Variants in C5 observed in about 807,000 individuals in gnomAD.
C5 encodes the protein complement C5, also known as C3 and PZP-like alpha-2-macroglobulin domain-containing protein 4.
Under a neutral mutation model 218.8 loss-of-function variants are expected in C5, and 140 were observed. That is an observed-to-expected ratio of 0.64 (90% CI 0.56 to 0.74). C5 has a LOEUF of 0.74. C5 is among the 30% of genes least tolerant of loss of function. The pLI, the probability that C5 is intolerant of heterozygous loss-of-function variation, is 0.00. For synonymous variants in C5, 614 were observed against 682.3 expected, an observed-to-expected ratio of 0.90 and a Z score of 1.56; for missense variants, 1,700 against 1,969.6, an observed-to-expected ratio of 0.86 and a Z score of 2.59.
chr9:120,980,884 C>CCG (rs1326738031), intron 27 of C5, among the ~76,000 whole-genome samples: 13 of 152,354 alleles, frequency 8.5e-5, no homozygotes, highest in African/African-American at 2.9e-4. Context: ...GCGTGAGCCA[C>CCG]TGCACCCGGC....
the C5 span, among the ~76,000 whole-genome samples, chr9:121,061,359 G>A: frequency 6.6e-6 from 1 of 152,042 alleles, no homozygotes; most frequent in Admixed American, 6.6e-5. Flanking sequence ...CTCTACCTTG[G>A]CCAACATGGC....
upstream of C5, among the ~76,000 whole-genome samples, chr9:121,055,236 C>G (rs2047692569): frequency 6.6e-6 from 1 of 152,130 alleles, no homozygotes; most frequent in Non-Finnish European, 1.5e-5. Flanking sequence ...TCCTCAGAAC[C>G]TCTTAAGACT....
intron 36 of C5, among the ~76,000 whole-genome samples, chr9:120,961,954 A>C (rs1270297682): frequency 1.3e-5 from 2 of 152,184 alleles, no homozygotes; most frequent in Non-Finnish European, 2.9e-5. Context: ...AAGAGGGACT[A>C]TGTATGTTCT....
chr9:121,035,130 T>C (rs920443912), intron 4 of C5, among the ~76,000 whole-genome samples: 1 of 114,228 alleles, frequency 8.8e-6, no homozygotes, highest in Non-Finnish European at 1.9e-5. Flanking sequence ...CTCCTCATTA[T>C]CTTGAAGAGA....
intron 7 of C5, among the ~76,000 whole-genome samples, chr9:121,028,698 G>GT (rs1469564914): frequency 6.6e-6 from 1 of 152,086 alleles, no homozygotes; most frequent in Admixed American, 6.6e-5. Context: ...CTGTCATGGG[G>GT]TGGGGGACGG....
chr9:121,060,231 C>T, the C5 span, among the ~76,000 whole-genome samples: 1 of 152,264 alleles, frequency 6.6e-6, no homozygotes, highest in African/African-American at 2.4e-5. Flanking sequence ...AAAGCGCCAC[C>T]TGCTGGTATT....
chr9:120,999,903 T>A (rs1183351127), intron 20 of C5: 2 of 451,692 alleles, frequency 4.4e-6, no homozygotes, highest in Non-Finnish European at 8.9e-6. Context: ...TTTAAAATGC[T>A]GTCAAGTTGG....
chr9:120,980,044 G>C (rs1280165344), intron 28 of C5, 39 bp downstream of exon 28: 17 of 1,590,382 alleles, frequency 1.1e-5, no homozygotes, highest in Non-Finnish European at 1.5e-5. Flanking sequence ...TTATGTCTTA[G>C]TGAACACTCA....
chr9:120,998,430 C>T (rs188958523), intron 20 of C5, among the ~76,000 whole-genome samples: 1 of 152,316 alleles, frequency 6.6e-6, no homozygotes, highest in East Asian at 1.9e-4. Context: ...GAGCCTTAGG[C>T]TCAGGTACTT....
At chr9:121,016,087 A>G (rs1345031885) in intron 15 of C5, among the ~76,000 whole-genome samples, 167 bp downstream of exon 15, 1 of 152,214 alleles carries the variant, frequency 6.6e-6, no homozygotes, top group Non-Finnish European at 1.5e-5. Flanking sequence ...ACACTAAAGA[A>G]TTTGTACTTT....
the C5 span, among the ~76,000 whole-genome samples, chr9:121,069,542 T>C: frequency 6.6e-6 from 1 of 151,548 alleles, no homozygotes; most frequent in African/African-American, 2.4e-5. Context: ...TTTTTTTTTT[T>C]GGTTTCTGTT....
chr9:121,007,907 C>A (rs1564149035), intron 18 of C5, among the ~76,000 whole-genome samples: 1 of 152,202 alleles, frequency 6.6e-6, no homozygotes, highest in South Asian at 2.1e-4. Flanking sequence ...CCTTTGAACT[C>A]ATTCCTTGCC....
the C5 span, among the ~76,000 whole-genome samples, chr9:121,069,765 C>T: frequency 6.6e-6 from 1 of 152,156 alleles, no homozygotes; most frequent in Non-Finnish European, 1.5e-5. Context: ...CCTCCCACCT[C>T]AGCCTCCCAA....
chr9:120,985,351 A>G (rs1053506377), intron 25 of C5, among the ~76,000 whole-genome samples: 1 of 152,208 alleles, frequency 6.6e-6, no homozygotes, highest in African/African-American at 2.4e-5. Context: ...AAAAATTTAG[A>G]GTAGAAAAGA....
chr9:120,991,646 T>C (rs1564142632), intron 22 of C5, among the ~76,000 whole-genome samples: 1 of 152,200 alleles, frequency 6.6e-6, no homozygotes, highest in Non-Finnish European at 1.5e-5. Context: ...ATCAACTATA[T>C]ATTGAACATT....
At position 120,989,627 on chromosome 9, in the gene C5, T is replaced by C. The variant is rs2131710979; in HGVS notation, c.3095A>G (p.Asn1032Ser). The C allele has an allele frequency of 1.9e-6, 3 of 1,613,742 alleles. No homozygotes were observed. The highest frequency in any genetic ancestry group is 1.7e-6 in the Non-Finnish European group (2 of 1,179,724). Residue 1032 changes from asparagine to serine, a missense_variant, in exon 24 of 41, where the codon AAC (asparagine) becomes AGC (serine). By Grantham distance (46) the Asn-to-Ser change is conservative (BLOSUM62 1). Transcript: ENST00000223642. ...FHYLETGNHW[N>S]IFHSDPLIEK... ...AATTAATGGGTCAGAATGAAAAATG[T>C]TCCAATGATTTCCTGTTTCCAGGTA...
rs766842310 is a variant in C5, at chr9:121,021,655, C to T, written c.1156G>A (p.Val386Ile). 2 of 1,613,882 alleles carry T rather than the reference C, an allele frequency of 1.2e-6. No individual in the cohort carries two copies. Among genetic ancestry groups the T allele is most frequent in the South Asian group, 1.1e-5 (1 of 91,082 alleles). The change falls in exon 11 of 41, where the codon GTC becomes ATC. Residue 386 changes from valine (V) to isoleucine (I), a missense_variant. By Grantham distance (29) the Val-to-Ile change is conservative. Coordinates refer to ENST00000223642, the MANE Select transcript of C5 (RefSeq NM_001735.3). ...GTTTGTGCATTCAGTGTTACTGGGA[C>T]TCCTCCTACCAACTGGTCAAGCGAA... ...KDSLDQLVGGVPVTLNAQTID... is the reference protein window; with the variant it reads ...KDSLDQLVGGIPVTLNAQTID...
intron 20 of C5, chr9:121,000,066 A>C (rs1404419717): frequency 2.1e-5 from 6 of 283,566 alleles, no homozygotes; most frequent in Non-Finnish European, 4.1e-5. Flanking sequence ...CTCAAAAAAA[A>C]AAAAAATGCT....
rs753907138 is a variant in C5 at position 120,980,303 on chromosome 9, T to TGA, written c.3487-50_3487-49insTC. 13 of 1,517,422 alleles carry TGA rather than the reference T, an allele frequency of 8.6e-6. 1 individual carries two copies. In the South Asian group the frequency reaches 1.5e-4, roughly 17 times the overall value. 94.0% of individuals were successfully genotyped at this position (1,517,422 alleles called of 1,614,324 possible). On this transcript the variant is annotated intron_variant, in intron 27 of 40. Coordinates refer to ENST00000223642, the MANE Select transcript of C5 (RefSeq NM_001735.3). ...AGTTTCTATGTCAAGCAACCACCTA[T>TGA]CAATTGATATGAACTACCCTCAGAT...
Sources: allele counts gnomAD v4.1 joint callset (sites outside exome capture counted in the v4.1 genomes callset), GRCh38; gene constraint gnomAD v4.1.1; transcripts MANE v1.5; gene names NCBI Gene and HGNC (gene_info 2026-07-23, HGNC 2026-07-21).